Variants in GART observed in about 807,000 individuals in gnomAD.
GART encodes phosphoribosylglycinamide formyltransferase, phosphoribosylglycinamide synthetase, phosphoribosylaminoimidazole synthetase.
Under a neutral mutation model 107.2 loss-of-function variants are expected in GART, and 43 were observed. The ratio of observed to expected loss-of-function variants is 0.40; its 90% CI spans 0.31 to 0.52. The LOEUF (loss-of-function observed/expected upper bound fraction) is 0.52. Among genes scored for constraint, GART ranks in the 20% least tolerant of loss-of-function variants. The pLI is 0.52. For synonymous variants in GART, 434 were observed against 427.0 expected (o/e 1.02, Z -0.20); for missense variants, 1,107 against 1,206.5 (o/e 0.92, Z 1.22).
At chr21:33,519,719 T>C (rs990688537) in intron 14 of GART, among the ~76,000 whole-genome samples, 1 of 151,696 alleles carries the variant, frequency 6.6e-6, no homozygotes, top group Admixed American at 6.6e-5. Flanking sequence ...TCCCAACTAC[T>C]TGGGAGGCTG....
At chr21:33,537,510 A>C (rs745589137) in intron 2 of GART, among the ~76,000 whole-genome samples, 5 of 152,206 alleles carry the variant, frequency 3.3e-5, no homozygotes, top group Non-Finnish European at 7.3e-5. Flanking sequence ...AAGAACATAG[A>C]AGACAGACAA....
chr21:33,542,856 G>A, upstream of GART: 2 of 579,466 alleles, frequency 3.5e-6, no homozygotes. Flanking sequence ...CTAACATGGC[G>A]GACATAGTCG....
chr21:33,537,419 A>G (rs1267015147), intron 2 of GART, among the ~76,000 whole-genome samples: 1 of 152,230 alleles, frequency 6.6e-6, no homozygotes, highest in Non-Finnish European at 1.5e-5. Context: ...AGCACTGTGC[A>G]CACCATGCAA....
intron 2 of GART, among the ~76,000 whole-genome samples, chr21:33,537,976 C>G (rs755444309): frequency 9.2e-5 from 14 of 152,030 alleles, no homozygotes; most frequent in Non-Finnish European, 1.6e-4. Flanking sequence ...GGCACGGTGG[C>G]TCATGCCTGT....
In GART at chr21:33,532,446, G is replaced by A. The variant is rs866218378; in HGVS notation, c.427C>T (p.Pro143Ser). The A allele has an allele frequency of 1.2e-6, 2 of 1,613,040 alleles. No homozygotes were observed. The highest frequency in any genetic ancestry group is 1.7e-6 in the Non-Finnish European group (2 of 1,179,476). The stretch of plus-strand genomic sequence containing the variant: ...CCACTGGCCTTCACAACCAAAGCAG[G>A]GAAGTCTGCACTGTAAAGACAGAGT... Reference protein sequence around the residue: ...ACSFILSADFPALVVKASGLA... With the variant: ...ACSFILSADFSALVVKASGLA... Residue 143 changes from proline to serine, a missense_variant, in exon 5 of 22, where the codon CCT becomes TCT. Coordinates refer to ENST00000381815, the MANE Select transcript of GART (RefSeq NM_000819.5).
At chr21:33,508,618 AG>A (rs1196351243) in intron 18 of GART, among the ~76,000 whole-genome samples, 2 of 151,028 alleles carry the variant, frequency 1.3e-5, no homozygotes, top group African/African-American at 4.9e-5. Flanking sequence ...CCAGGGTTCA[AG>A]CAATTCTCCT....
upstream of GART, chr21:33,542,219 G>A (rs765689825): frequency 6.6e-6 from 1 of 152,262 alleles, no homozygotes; most frequent in Non-Finnish European, 1.5e-5. Flanking sequence ...TCTCCGCGGC[G>A]AGAATCTAGT....
intron 16 of GART, among the ~76,000 whole-genome samples, chr21:33,515,518 T>C (rs1183141269): frequency 6.6e-6 from 1 of 151,870 alleles, no homozygotes; most frequent in Non-Finnish European, 1.5e-5. Context: ...CGGGCACCTG[T>C]AGTCCCAGCT....
Position 33,522,196 on chromosome 21 carries a change from G to T in GART, c.1385C>A (p.Ser462Tyr). 1 of 1,611,810 alleles carries T rather than the reference G, an allele frequency of 6.2e-7. No individual in the cohort carries two copies. Among genetic ancestry groups the T allele is most frequent in the Non-Finnish European group, 8.5e-7 (1 of 1,178,048 alleles). Reference protein sequence around the residue: ...KKIQPLAKATSRSGCKVDLGG... With the variant: ...KKIQPLAKATYRSGCKVDLGG... ...AGTATAGGATCACTGACCTGATCTG[G>T]AAGTGGCTTTTGCTAAAGGCTGAAT... The change falls in exon 12 of 22, where the codon TCC becomes TAC. Residue 462 changes from serine (S) to tyrosine (Y), a missense_variant. By Grantham distance (144) the Ser-to-Tyr change is moderately radical (BLOSUM62 -2). Transcript: ENST00000381815.
chr21:33,523,767 G>C (rs1180556304), intron 11 of GART, among the ~76,000 whole-genome samples: 2 of 152,008 alleles, frequency 1.3e-5, no homozygotes, highest in Non-Finnish European at 2.9e-5. Flanking sequence ...AGGAGTTCGA[G>C]ACCAGCCCGG....
chr21:33,514,937 GCT>G (rs1463845582), intron 16 of GART, among the ~76,000 whole-genome samples: 1 of 152,034 alleles, frequency 6.6e-6, no homozygotes, highest in African/African-American at 2.4e-5. Context: ...CTTCACATAC[GCT>G]CTGACTCTTG....
intron 12 of GART, 87 bp downstream of exon 12, chr21:33,522,101 G>T: frequency 9.8e-7 from 1 of 1,024,030 alleles, no homozygotes. Flanking sequence ...GCATTGCTTT[G>T]GAAAATATTC....
intron 7 of GART, 174 bp downstream of exon 7, chr21:33,530,585 T>C (rs2085166691): frequency 3.5e-6 from 2 of 575,318 alleles, no homozygotes; most frequent in Non-Finnish European, 5.1e-6. Flanking sequence ...AAAAGGCTTT[T>C]AGGAAAAGTT....
In GART at chr21:33,524,202, T is replaced by C. The variant is rs552292333; in HGVS notation, c.1298+567A>G. On this transcript the variant is annotated intron_variant, in intron 11 of 21. Transcript: ENST00000381815. The stretch of plus-strand genomic sequence containing the variant: ...AGTATTCTCATCTTCAGTTCTTTGA[T>C]AAAACCATGAACTATGTTTCAAATA... 8.0e-4 allele frequency: 788 copies of C among 985,432 alleles called. 1 individual carries two copies. Among genetic ancestry groups the C allele is most frequent in the Middle Eastern group, 3.7e-3 (7 of 1,914 alleles). The allele number at this position is 985,432 out of a possible 1,614,324, so 61.0% of individuals were successfully genotyped here.
At chr21:33,511,495 C>T (rs369117673) in intron 16 of GART, 37 bp from the exon 17 acceptor site, 13 of 1,583,542 alleles carry the variant, frequency 8.2e-6, no homozygotes, top group Non-Finnish European at 1.7e-6. Context: ...GATTTTCCTA[C>T]CTTCTCACAC....
chr21:33,524,244 C>T (rs927555750), intron 11 of GART: 24 of 985,452 alleles, frequency 2.4e-5, no homozygotes, highest in East Asian at 1.1e-4. Flanking sequence ...TATGTGATAA[C>T]GCAAGGAATA....
chr21:33,533,266 C>T (rs550346245), intron 4 of GART, among the ~76,000 whole-genome samples: 5 of 151,174 alleles, frequency 3.3e-5, no homozygotes, highest in East Asian at 4.0e-4. Context: ...AGTGAAACCC[C>T]GTCTCTTCTA....
intron 16 of GART, among the ~76,000 whole-genome samples, chr21:33,516,264 A>G (rs982304346): frequency 2.1e-4 from 32 of 151,452 alleles, no homozygotes; most frequent in Admixed American, 4.0e-4. Flanking sequence ...AAAAAAAAAA[A>G]AAAAGAAAAG....
intron 11 of GART, chr21:33,524,558 TAA>T: frequency 7.9e-7 from 1 of 1,264,290 alleles, no homozygotes; most frequent in Non-Finnish European, 9.9e-7. Flanking sequence ...GTGATTTTGC[TAA>T]ACTTTCCAAA....
Sources: allele counts gnomAD v4.1 joint callset (sites outside exome capture counted in the v4.1 genomes callset), GRCh38; gene constraint gnomAD v4.1.1; transcripts MANE v1.5; gene names NCBI Gene and HGNC (gene_info 2026-07-23, HGNC 2026-07-21).